Variants in TIAM2 observed in about 807,000 individuals in gnomAD.
TIAM2 encodes the protein rho guanine nucleotide exchange factor TIAM2.
A neutral mutation model predicts 152.9 loss-of-function variants in TIAM2; 80 were observed. That is an observed-to-expected ratio of 0.52 (90% CI 0.44 to 0.63). The LOEUF (loss-of-function observed/expected upper bound fraction) is 0.63, where lower values mean the gene tolerates loss of function less well. Among genes scored for constraint, TIAM2 ranks in the 30% least tolerant of loss-of-function variants. The pLI is 0.00. For missense variants in TIAM2, 1,965 were observed against 2,120.1 expected (o/e 0.93, Z 1.44); for synonymous variants, 804 against 838.0 (o/e 0.96, Z 0.70).
chr6:155,103,214 T>TTACA (rs1778587723), intron 2 of TIAM2, among the ~76,000 whole-genome samples: 1 of 152,168 alleles, frequency 6.6e-6, no homozygotes, highest in Non-Finnish European at 1.5e-5. Flanking sequence ...TTGAGAAACC[T>TTACA]TACATAGTTT....
intron 1 of TIAM2, among the ~76,000 whole-genome samples, chr6:155,047,112 G>C (rs768062162): frequency 6.6e-6 from 1 of 152,122 alleles, no homozygotes; most frequent in Non-Finnish European, 1.5e-5. Flanking sequence ...TCCCCTCAGC[G>C]TTTCCTTGTC....
intron 7 of TIAM2, 97 bp downstream of exon 7, chr6:155,148,431 C>T (rs1476302634): frequency 4.0e-5 from 49 of 1,238,202 alleles, no homozygotes; most frequent in Non-Finnish European, 5.0e-5. Context: ...TCTTGGCTCA[C>T]ATCTTGGTGG....
chr6:155,120,512 G>C (rs924112315), intron 2 of TIAM2, among the ~76,000 whole-genome samples: 1 of 152,178 alleles, frequency 6.6e-6, no homozygotes, highest in African/African-American at 2.4e-5. Flanking sequence ...TCTGAGTGTA[G>C]TTCATTGACT....
intron 9 of TIAM2, among the ~76,000 whole-genome samples, chr6:155,175,559 A>G (rs1186716289): frequency 6.6e-6 from 1 of 152,220 alleles, no homozygotes; most frequent in African/African-American, 2.4e-5. Flanking sequence ...AATATGAATT[A>G]TATTAATAAT....
chr6:155,039,065 A>C (rs1415589956), intron 1 of TIAM2, among the ~76,000 whole-genome samples: 1 of 142,812 alleles, frequency 7.0e-6, no homozygotes, highest in Non-Finnish European at 1.5e-5. Context: ...GACTCAGGTG[A>C]TCCTCCTACC....
At chr6:155,148,451 C>T in intron 7 of TIAM2, 117 bp downstream of exon 7, 2 of 1,018,882 alleles carry the variant, frequency 2.0e-6, no homozygotes, top group Non-Finnish European at 2.9e-6. Flanking sequence ...GTATTTCTTA[C>T]ACCCTGGGGG....
intron 1 of TIAM2, among the ~76,000 whole-genome samples, chr6:155,021,482 A>G (rs2114865817): frequency 6.6e-6 from 1 of 152,130 alleles, no homozygotes; most frequent in East Asian, 1.9e-4. Flanking sequence ...GGCTGGTCTC[A>G]AACTCCTGAC....
intron 1 of TIAM2, among the ~76,000 whole-genome samples, chr6:155,053,362 C>T (rs549724482): frequency 6.6e-6 from 1 of 151,854 alleles, no homozygotes; most frequent in Admixed American, 6.6e-5. Context: ...GTCACGTTGC[C>T]TAGGCTGCTC....
At position 155,245,505 on chromosome 6, in the gene TIAM2, C is replaced by T. The variant is rs892671690; in HGVS notation, c.3544-118C>T. ...CCTGTGTGGATGGAGCAGGTTTGAACTTCTCCAAGGCATTAGTGCTATGGA... is the reference window on the plus strand; with the variant it reads ...CCTGTGTGGATGGAGCAGGTTTGAATTTCTCCAAGGCATTAGTGCTATGGA... On this transcript the variant is annotated intron_variant, in intron 18 of 26. Coordinates refer to ENST00000682666, the MANE Select transcript of TIAM2 (RefSeq NM_012454.4). 1.4e-5 allele frequency: 12 copies of T among 845,042 alleles called. No homozygotes were observed. In the African/African-American group the frequency reaches 2.1e-4, roughly 14 times the overall value. 52.3% of individuals were successfully genotyped at this position (845,042 alleles called of 1,614,324 possible).
intron 14 of TIAM2, among the ~76,000 whole-genome samples, chr6:155,209,553 CA>C (rs1781673957): frequency 1.3e-5 from 2 of 152,196 alleles, no homozygotes; most frequent in African/African-American, 4.8e-5. Context: ...GAGGCAGGCC[CA>C]AGTCTGCTTG....
intron 1 of TIAM2, among the ~76,000 whole-genome samples, chr6:155,056,847 T>C (rs1044866663): frequency 1.3e-5 from 2 of 151,810 alleles, no homozygotes; most frequent in South Asian, 2.1e-4. Context: ...CTAATGTCCT[T>C]TTTCTGTTCC....
intron 2 of TIAM2, among the ~76,000 whole-genome samples, chr6:155,121,628 A>G (rs972849856): frequency 6.6e-6 from 1 of 152,180 alleles, no homozygotes; most frequent in Non-Finnish European, 1.5e-5. Context: ...AGATATTGCT[A>G]TGGTTAATGA....
intron 7 of TIAM2, among the ~76,000 whole-genome samples, 169 bp from the exon 8 acceptor site, chr6:155,164,246 G>A (rs1053875740): frequency 6.0e-5 from 9 of 149,908 alleles, no homozygotes; most frequent in Non-Finnish European, 1.2e-4. Context: ...AGGACCCAAT[G>A]CATTTTGATG....
At chr6:155,054,105 G>A (rs887826416) in intron 1 of TIAM2, among the ~76,000 whole-genome samples, 2 of 152,172 alleles carry the variant, frequency 1.3e-5, no homozygotes, top group African/African-American at 2.4e-5. Context: ...CCTGGGAGGC[G>A]GAAGTGTCAG....
Position 155,240,571 on chromosome 6 carries a change from C to T in TIAM2, c.3210C>T (p.Asp1070=). Residue 1070 remains aspartate (D), a synonymous_variant, in exon 16 of 27, where the codon GAC becomes GAT. Transcript: ENST00000682666. ...CTGCACTGTGCAGGAGTTTTAACGACAGTCAGGCCAACGGCATGGAAGGAC... is the reference window on the plus strand; with the variant it reads ...CTGCACTGTGCAGGAGTTTTAACGATAGTCAGGCCAACGGCATGGAAGGAC... ...QITALCRSFN[D]SQANGMEGPR... is the part of the protein sequence containing the mutation. The T allele has an allele frequency of 3.1e-6, 5 of 1,614,120 alleles. No individual in the cohort carries two copies. Among genetic ancestry groups the T allele is most frequent in the Non-Finnish European group, 3.4e-6 (4 of 1,180,032 alleles).
Position 155,187,573 on chromosome 6 carries a change from C to CTT in TIAM2, c.3064+4095_3064+4096dup, listed in dbSNP as rs59818801. Among the ~76,000 whole-genome samples the CTT allele has an allele frequency of 2.7e-3, 136 of 49,602 alleles. 4 individuals carry two copies. Among genetic ancestry groups the CTT allele is most frequent in the East Asian group, 3.9e-3 (6 of 1,528 alleles). 32.5% of individuals were successfully genotyped at this position (49,602 alleles called of 152,430 possible). On this transcript the variant is annotated intron_variant, in intron 14 of 26. Coordinates refer to ENST00000682666, the MANE Select transcript of TIAM2 (RefSeq NM_012454.4). Reference sequence around the variant, plus strand: ...AACCCCCCCTCCCCCACCCCGCCCCCTTTTTTTTTTTTTTTTTTTTTTTGA... The same window carrying CTT: ...AACCCCCCCTCCCCCACCCCGCCCCCTTTTTTTTTTTTTTTTTTTTTTTTTGA...
At chr6:155,001,344 T>G (rs1778308964) in intron 1 of TIAM2, among the ~76,000 whole-genome samples, 1 of 152,236 alleles carries the variant, frequency 6.6e-6, no homozygotes, top group Non-Finnish European at 1.5e-5. Flanking sequence ...TCTGACCACA[T>G]GATCCTTCCA....
chr6:155,017,536 A>C (rs201691286), intron 1 of TIAM2, among the ~76,000 whole-genome samples: 2 of 124,398 alleles, frequency 1.6e-5, no homozygotes, highest in East Asian at 2.3e-4. Flanking sequence ...ATGGAGTCTC[A>C]CTCTGTCGCC....
chr6:155,206,990 T>C (rs2115202536), intron 14 of TIAM2, among the ~76,000 whole-genome samples: 2 of 152,326 alleles, frequency 1.3e-5, no homozygotes, highest in South Asian at 4.1e-4. Context: ...CTTATTACTC[T>C]CTGATAAGGA....
Sources: allele counts gnomAD v4.1 joint callset (sites outside exome capture counted in the v4.1 genomes callset), GRCh38; gene constraint gnomAD v4.1.1; transcripts MANE v1.5; gene names NCBI Gene and HGNC (gene_info 2026-07-23, HGNC 2026-07-21).